Variants in SYCE1 observed in about 807,000 individuals in gnomAD.
The protein encoded by SYCE1 is cancer/testis antigen 76.
In SYCE1, 37 loss-of-function variants were observed where a neutral mutation model predicts 55.1. The observed-to-expected ratio is 0.67, with a 90% CI of 0.52 to 0.88. SYCE1 has a LOEUF of 0.88. SYCE1 is among the 40% of genes least tolerant of loss of function. SYCE1 has a pLI of 0.00. For synonymous variants in SYCE1, 163 were observed against 159.4 expected (o/e 1.02, Z -0.17); for missense variants, 399 against 416.4 (o/e 0.96, Z 0.36).
intron 9 of SYCE1, 27 bp downstream of exon 9, chr10:133,555,954 T>C (rs1309320566): frequency 3.1e-6 from 5 of 1,614,054 alleles, no homozygotes; most frequent in Non-Finnish European, 4.2e-6. Context: ...AGGTCAGATA[T>C]GGGCCATCCA....
At chr10:133,563,511 C>G (rs1265023874) in intron 1 of SYCE1, among the ~76,000 whole-genome samples, 1 of 152,036 alleles carries the variant, frequency 6.6e-6, no homozygotes, top group Non-Finnish European at 1.5e-5. Context: ...CAGCAAGACC[C>G]TCTCTCTACA....
chr10:133,558,936 T>A lies in SYCE1; in HGVS notation c.212A>T (p.Asn71Ile). The A allele has an allele frequency of 6.2e-7, 1 of 1,611,356 alleles. No homozygotes were observed. Among genetic ancestry groups the A allele is most frequent in the East Asian group, 2.2e-5 (1 of 44,844 alleles). The change falls in exon 4 of 13, where the codon AAT becomes ATT. Residue 71 changes from asparagine (N) to isoleucine (I), a missense_variant. Asn to Ile is a moderately radical substitution (Grantham distance 149). Coordinates refer to ENST00000343131, the MANE Select transcript of SYCE1 (RefSeq NM_001143764.3). ...NEVQQAKKKA[N>I]KDLGEARTIC... ...GGTCCGGGCCTCTCCTAGGTCTTTA[T>A]TGGCTTTCTTTTTTGCTTCACCAAA... is the stretch of plus-strand genomic sequence containing the variant.
In SYCE1 at chr10:133,561,386, T is replaced by C. The variant is rs1394244347; in HGVS notation, c.74-1233A>G. Among the ~76,000 whole-genome samples, 5 of 152,300 alleles carry C rather than the reference T, an allele frequency of 3.3e-5. No individual in the cohort carries two copies. The East Asian group carries it at 9.6e-4, about 29-fold the overall frequency. On this transcript the variant is annotated intron_variant, in intron 1 of 12. Coordinates refer to ENST00000343131, the MANE Select transcript of SYCE1 (RefSeq NM_001143764.3). ...GTTGCTGAGTTCTGGAAGTCCCCCA[T>C]CCAGGGAATCCCTCATTTCCCAAAA...
upstream of SYCE1, among the ~76,000 whole-genome samples, chr10:133,565,772 T>C (rs1851920154): frequency 6.6e-6 from 1 of 152,266 alleles, no homozygotes; most frequent in Admixed American, 6.5e-5. Context: ...AGGCTTGCGA[T>C]TGGCCCGCTG....
At chr10:133,565,347 T>A (rs960580837) in intron 1 of SYCE1, 110 bp downstream of exon 1, 1 of 1,001,022 alleles carries the variant, frequency 1.0e-6, no homozygotes, top group African/African-American at 1.7e-5. Context: ...TAAGTCTCAA[T>A]CAGCAGCATC....
downstream of SYCE1, chr10:133,554,771 G>A (rs9629995): frequency 2.8e-3 from 3,995 of 1,444,906 alleles, 2 homozygotes; most frequent in African/African-American, 0.047. Flanking sequence ...CTGTGAGAGC[G>A]TCTCGGGCCT....
chr10:133,568,217 T>G (rs999803131), upstream of SYCE1: 2 of 1,243,634 alleles, frequency 1.6e-6, no homozygotes, highest in Non-Finnish European at 2.3e-6. Context: ...CCGGTCCTGT[T>G]GCCTCCGGGA....
intron 4 of SYCE1, 122 bp downstream of exon 4, chr10:133,558,755 A>C (rs1851749030): frequency 5.5e-6 from 5 of 915,044 alleles, no homozygotes; most frequent in Non-Finnish European, 8.4e-6. Flanking sequence ...GATTGGCAGG[A>C]CATGAGGCTA....
upstream of SYCE1, chr10:133,567,950 G>A (rs990637629): frequency 2.3e-5 from 13 of 566,250 alleles, 1 homozygote; most frequent in East Asian, 4.2e-5. Flanking sequence ...GGTGGATGGC[G>A]GGTCCACAGG....
At chr10:133,566,375 C>A (rs1050035572), upstream of SYCE1, among the ~76,000 whole-genome samples, 1 of 151,400 alleles carries the variant, frequency 6.6e-6, no homozygotes, top group African/African-American at 2.4e-5. Flanking sequence ...TAAAAGGTTA[C>A]CTTAGGGTTT....
chr10:133,559,794 AG>A (rs1851779913), intron 2 of SYCE1: 1 of 448,174 alleles, frequency 2.2e-6, no homozygotes, highest in East Asian at 4.6e-5. Context: ...GTGAGGGGGA[AG>A]GAAGGGAAGT....
At position 133,554,861 on chromosome 10, in the gene SYCE1, C is replaced by G. The variant is rs1443400714; in HGVS notation, c.*131G>C. 6.9e-7 allele frequency: 1 copy of G among 1,451,038 alleles called. No homozygotes were observed. The highest frequency in any genetic ancestry group is 9.1e-7 in the Non-Finnish European group (1 of 1,102,896). 89.9% of individuals were successfully genotyped at this position (1,451,038 alleles called of 1,614,324 possible). A position where few individuals can be genotyped will look rare whatever the true frequency, so the allele number is the denominator to read the frequency against. ...TCCAGAGACCAGGAGGTTAAGGAAG[C>G]ATTTATTGAAAACCTGTGATGTACC... On this transcript the variant is annotated 3_prime_UTR_variant, in exon 13 of 13. Transcript: ENST00000343131.
At chr10:133,558,825 G>T in intron 4 of SYCE1, 52 bp downstream of exon 4, 1 of 1,573,930 alleles carries the variant, frequency 6.4e-7, no homozygotes, top group Non-Finnish European at 8.7e-7. Context: ...TACAGGGTTA[G>T]GGGAGGCTTA....
intron 2 of SYCE1, chr10:133,559,792 G>A (rs3813871): frequency 2.2e-6 from 1 of 450,936 alleles, no homozygotes; most frequent in Non-Finnish European, 4.0e-6. Context: ...GGGTGAGGGG[G>A]AAGGAAGGGA....
chr10:133,565,646 C>G, upstream of SYCE1: 1 of 974,436 alleles, frequency 1.0e-6, no homozygotes, highest in Non-Finnish European at 1.5e-6. Flanking sequence ...CTCCTGCGCG[C>G]GCCTGGAGAT....
At chr10:133,554,797 C>A, downstream of SYCE1, 1 of 1,467,814 alleles carries the variant, frequency 6.8e-7, no homozygotes, top group African/African-American at 1.4e-5. Flanking sequence ...CCTCTGCCTG[C>A]GGACCCAGAA....
intron 4 of SYCE1, chr10:133,558,499 A>G (rs887161924): frequency 3.6e-6 from 2 of 553,862 alleles, no homozygotes; most frequent in African/African-American, 3.8e-5. Flanking sequence ...TAAGGGCTAT[A>G]AAGAAACACA....
chr10:133,559,649 G>C, intron 2 of SYCE1: 1 of 454,746 alleles, frequency 2.2e-6, no homozygotes, highest in South Asian at 2.4e-5. Flanking sequence ...GAAGGGACCT[G>C]AGGGCCCCAA....
intron 8 of SYCE1, chr10:133,556,267 G>T: frequency 1.7e-6 from 1 of 597,652 alleles, no homozygotes; most frequent in Non-Finnish European, 3.0e-6. Flanking sequence ...CTGCAGTGGG[G>T]ATGCTCATGG....
Sources: allele counts gnomAD v4.1 joint callset (sites outside exome capture counted in the v4.1 genomes callset), GRCh38; gene constraint gnomAD v4.1.1; transcripts MANE v1.5; gene names NCBI Gene and HGNC (gene_info 2026-07-23, HGNC 2026-07-21).